TMEM132B: variants seen among roughly 807,000 people sequenced by gnomAD.
TMEM132B encodes the protein transmembrane protein 132B.
TMEM132B carries 18 observed loss-of-function variants against 90.8 expected under a neutral mutation model. The observed-to-expected ratio is 0.20, with a 90% confidence interval of 0.14 to 0.29. The LOEUF (loss-of-function observed/expected upper bound fraction) is 0.29, where lower values mean the gene tolerates loss of function less well. Ranked by LOEUF, TMEM132B falls within the 10% of genes least tolerant of loss-of-function variation. TMEM132B has a pLI of 1.00. For synonymous variants in TMEM132B, 504 were observed against 523.3 expected, an observed-to-expected ratio of 0.96 and a Z score of 0.50; for missense variants, 1,096 against 1,326.8, an observed-to-expected ratio of 0.83 and a Z score of 2.70.
chr12:125,337,393 C>T (rs75082010), intron 1 of TMEM132B, among the ~76,000 whole-genome samples: 1,875 of 152,200 alleles, frequency 0.012, 32 homozygotes, highest in Non-Finnish European at 0.014. Context: ...GTTCCAGGGC[C>T]GGGGCTCCTT....
intron 5 of TMEM132B, among the ~76,000 whole-genome samples, chr12:125,596,293 CA>C (rs1885438665): frequency 1.3e-5 from 2 of 152,164 alleles, no homozygotes; most frequent in African/African-American, 2.4e-5. Flanking sequence ...TGAGCCTTCT[CA>C]GGGGGTAGAC....
At chr12:125,540,368 C>A (rs1455210101) in intron 4 of TMEM132B, among the ~76,000 whole-genome samples, 2 of 152,128 alleles carry the variant, frequency 1.3e-5, no homozygotes, top group African/African-American at 2.4e-5. Context: ...CTTGCTGATT[C>A]TTTTCCCACT....
intron 5 of TMEM132B, among the ~76,000 whole-genome samples, chr12:125,614,030 T>C (rs1479537641): frequency 6.6e-6 from 1 of 152,176 alleles, no homozygotes; most frequent in Admixed American, 6.5e-5. Context: ...TACTGTTTTA[T>C]ATTATTGATT....
At chr12:125,437,014 G>T (rs919904303) in intron 3 of TMEM132B, among the ~76,000 whole-genome samples, 3 of 152,156 alleles carry the variant, frequency 2.0e-5, no homozygotes, top group Admixed American at 2.0e-4. Context: ...TAATTCTGAT[G>T]GATGCAGTTT....
At chr12:125,247,201 A>C (rs1874225178) in intron 1 of TMEM132B, among the ~76,000 whole-genome samples, 1 of 152,066 alleles carries the variant, frequency 6.6e-6, no homozygotes, top group South Asian at 2.1e-4. Context: ...GAACTTCTGG[A>C]GTTGTTCAGA....
chr12:125,339,862 C>T (rs548968621), intron 1 of TMEM132B, among the ~76,000 whole-genome samples: 1 of 152,282 alleles, frequency 6.6e-6, no homozygotes, highest in South Asian at 2.1e-4. Context: ...CAGTCACATT[C>T]TGAGGTGCCA....
chr12:125,555,018 C>T (rs1239903913), intron 4 of TMEM132B, among the ~76,000 whole-genome samples: 2 of 152,126 alleles, frequency 1.3e-5, no homozygotes, highest in African/African-American at 4.8e-5. Flanking sequence ...CGCACGACAA[C>T]CAGTCACCAA....
chr12:125,531,048 TA>T (rs752398343), intron 4 of TMEM132B, among the ~76,000 whole-genome samples: 6 of 152,228 alleles, frequency 3.9e-5, no homozygotes, highest in Non-Finnish European at 8.8e-5. Context: ...GCCAGGCTGC[TA>T]AATCTCCAGC....
intron 4 of TMEM132B, among the ~76,000 whole-genome samples, chr12:125,523,531 C>T (rs1883365521): frequency 6.6e-6 from 1 of 152,062 alleles, no homozygotes; most frequent in African/African-American, 2.4e-5. Context: ...TGCAGAGATT[C>T]CTTTGGCCAT....
intron 1 of TMEM132B, among the ~76,000 whole-genome samples, chr12:125,280,796 A>G (rs1156549120): frequency 1.3e-5 from 2 of 152,260 alleles, no homozygotes; most frequent in Non-Finnish European, 2.9e-5. Context: ...AGCGAGGATT[A>G]GGAAGGAAAC....
At chr12:125,300,545 G>A (rs560640331) in intron 1 of TMEM132B, among the ~76,000 whole-genome samples, 6 of 152,152 alleles carry the variant, frequency 3.9e-5, no homozygotes, top group Admixed American at 2.6e-4. Context: ...TAACACTAAG[G>A]CCCTGTCTGA....
chr12:125,629,505 C>T (rs575950508), intron 5 of TMEM132B, among the ~76,000 whole-genome samples: 2 of 152,080 alleles, frequency 1.3e-5, no homozygotes, highest in Non-Finnish European at 2.9e-5. Flanking sequence ...TGCAATGTTA[C>T]TGGATTTGTT....
chr12:125,313,311 C>T (rs1170189488), intron 1 of TMEM132B, among the ~76,000 whole-genome samples: 1 of 152,148 alleles, frequency 6.6e-6, no homozygotes, highest in African/African-American at 2.4e-5. Context: ...CAGATAGACG[C>T]AATTCCTAGA....
At chr12:125,283,731 TC>T (rs1370339961) in intron 1 of TMEM132B, among the ~76,000 whole-genome samples, 1 of 152,190 alleles carries the variant, frequency 6.6e-6, no homozygotes, top group Non-Finnish European at 1.5e-5. Context: ...GCAGATGCAT[TC>T]CAGTGCATTC....
chr12:125,350,222 C>G lies in TMEM132B; in HGVS notation c.838C>G (p.Leu280Val), dbSNP rs771044211. Residue 280 changes from leucine (L) to valine (V), a missense_variant, in exon 2 of 9, where the codon CTG becomes GTG. Coordinates refer to ENST00000682704, the MANE Select transcript of TMEM132B (RefSeq NM_001366854.1). ...YPTQDDLKWS[L>V]VSLDENVVIS... ...AACCCAAGATGATCTGAAGTGGTCC[C>G]TGGTGAGCTTGGACGAGAATGTGGT... 3.7e-6 allele frequency: 6 copies of G among 1,614,004 alleles called. No individual in the cohort carries two copies. The highest frequency in any genetic ancestry group is 5.1e-6 in the Non-Finnish European group (6 of 1,180,042).
chr12:125,188,541 C>G (rs1445370862), intron 1 of TMEM132B, among the ~76,000 whole-genome samples: 1 of 144,736 alleles, frequency 6.9e-6, no homozygotes, highest in Non-Finnish European at 1.5e-5. Context: ...CTACCACCCC[C>G]CCACCCCCGT....
chr12:125,584,195 C>T, intron 5 of TMEM132B: 1 of 659,764 alleles, frequency 1.5e-6, no homozygotes, highest in East Asian at 2.8e-5. Flanking sequence ...TGCTGCTTCC[C>T]TCTCCCTGGA....
intron 1 of TMEM132B, among the ~76,000 whole-genome samples, chr12:125,270,110 T>TG (rs1874794692): frequency 1.6e-4 from 13 of 83,114 alleles, no homozygotes; most frequent in East Asian, 6.6e-4. Context: ...CTCACATCTT[T>TG]GTTGTGTGTG....
At chr12:125,588,035 A>G (rs1230714370) in intron 5 of TMEM132B, 1 of 152,204 alleles carries the variant, frequency 6.6e-6, no homozygotes, top group Non-Finnish European at 1.5e-5. Flanking sequence ...AAGATGGAGT[A>G]GCTTTGTGCT....
Sources: gnomAD v4.1 joint callset for allele counts (sites outside exome capture counted in the v4.1 genomes callset) on GRCh38, gnomAD v4.1.1 for gene constraint, MANE v1.5 for transcripts, NCBI Gene and HGNC (gene_info 2026-07-23, HGNC 2026-07-21) for gene names.